Variants in PPP2R5C observed in about 807,000 individuals in gnomAD.
The protein encoded by PPP2R5C is protein phosphatase 2 regulatory subunit B'gamma.
PPP2R5C carries 7 observed loss-of-function variants against 68.9 expected under a neutral mutation model. The observed-to-expected ratio is 0.10, with a 90% CI of 0.06 to 0.19. The LOEUF is 0.19. Ranked by LOEUF, PPP2R5C falls within the 10% of genes least tolerant of loss-of-function variation. The pLI, the probability that PPP2R5C is intolerant of heterozygous loss-of-function variation, is 1.00. For synonymous variants in PPP2R5C, 210 were observed against 222.2 expected (o/e 0.95, Z 0.49); for missense variants, 348 against 641.3 (o/e 0.54, Z 4.94).
intron 13 of PPP2R5C, 59 bp from the exon 16 acceptor site, chr14:101,925,080 AGT>A: frequency 6.3e-7 from 1 of 1,589,944 alleles, no homozygotes; most frequent in Non-Finnish European, 8.6e-7. Context: ...CCACCTCAGA[AGT>A]AAGCTTGCTT....
At chr14:101,808,355 G>A (rs1476169592), upstream of PPP2R5C, among the ~76,000 whole-genome samples, 1 of 152,150 alleles carries the variant, frequency 6.6e-6, no homozygotes, top group East Asian at 1.9e-4. Context: ...CTGCTCAGGT[G>A]GTGCGTGCCC....
At position 101,886,988 on chromosome 14, in the gene PPP2R5C, G is replaced by A. The variant is rs561791969; in HGVS notation, c.630-3249G>A. Among the ~76,000 whole-genome samples, 4 of 152,292 alleles carry A rather than the reference G, an allele frequency of 2.6e-5. No individual in the cohort carries two copies. The South Asian group carries it at 8.3e-4, about 32-fold the overall frequency. On this transcript the variant is annotated intron_variant, in intron 5 of 13. Transcript: ENST00000334743. Reference sequence around the variant, plus strand: ...GGCCTCAAGTGATCCTCCTGCCTCAGCCTCCCAAAGCACTGGGATTACAGG... The same window carrying A: ...GGCCTCAAGTGATCCTCCTGCCTCAACCTCCCAAAGCACTGGGATTACAGG...
chr14:101,772,946 T>C (rs2037228017), intron 2 of PPP2R5C, among the ~76,000 whole-genome samples: 1 of 152,188 alleles, frequency 6.6e-6, no homozygotes, highest in African/African-American at 2.4e-5. Flanking sequence ...AGCTGTGCAA[T>C]GTGGCAGAGG....
In PPP2R5C at chr14:101,763,110, C is replaced by T. The variant is rs1007862508; in HGVS notation, c.93+140C>T. The T allele has an allele frequency of 4.5e-6, 3 of 663,554 alleles. No individual in the cohort carries two copies. The African/African-American group carries it at 5.5e-5, about 12-fold the overall frequency. 41.1% of individuals were successfully genotyped at this position (663,554 alleles called of 1,614,324 possible). Reference sequence around the variant, plus strand: ...TTTTTTTGTGGTGTCTTTTATAACCCTCAATTTTAGTTGTTTAGGTATTTA... The same window carrying T: ...TTTTTTTGTGGTGTCTTTTATAACCTTCAATTTTAGTTGTTTAGGTATTTA... On this transcript the variant is annotated intron_variant, in intron 2 of 14. Transcript: ENST00000328724.
At chr14:101,840,064 A>G (rs1051781805) in intron 1 of PPP2R5C, among the ~76,000 whole-genome samples, 2 of 152,222 alleles carry the variant, frequency 1.3e-5, no homozygotes, top group African/African-American at 4.8e-5. Flanking sequence ...AAGTTGTTTC[A>G]TGTAAAGACC....
rs72130973 is a variant in PPP2R5C, at chr14:101,917,574, TGGGC to T, written c.1327-252_1327-249del. Among the ~76,000 whole-genome samples, 20,387 of 151,854 alleles carry T rather than the reference TGGGC, an allele frequency of 0.13. 1,936 individuals carry two copies. The highest frequency in any genetic ancestry group is 0.28 in the East Asian group (1,458 of 5,138). On this transcript the variant is annotated intron_variant, in intron 12 of 13. Coordinates refer to ENST00000334743, the Ensembl canonical transcript of PPP2R5C. The surrounding 1 kb of genome is among the most constrained non-coding windows in gnomAD (Gnocchi z 4.4). ...AGGCCATGGGGTGTGGGCCAGGGTATGGGCGGGCCACTGTCCATCAGATGCAGAG... is the reference window on the plus strand; with the variant it reads ...AGGCCATGGGGTGTGGGCCAGGGTATGGGCCACTGTCCATCAGATGCAGAG...
At position 101,906,351 on chromosome 14, in the gene PPP2R5C, C is replaced by T. The variant is rs764840678; in HGVS notation, c.1024-51C>T. 1.3e-5 allele frequency: 20 copies of T among 1,531,002 alleles called. No homozygotes were observed. In the East Asian group the frequency reaches 4.6e-4, roughly 35 times the overall value. 94.8% of individuals were successfully genotyped at this position (1,531,002 alleles called of 1,614,324 possible). On this transcript the variant is annotated intron_variant, in intron 9 of 13. Transcript: ENST00000334743. This position sits in a 1 kb window ranked among gnomAD's most constrained non-coding sequence, Gnocchi z 4.0. ...ACAGGTTTAACAGCAAGGACAGCCA[C>T]CTGATGTCTCAGGCACAACCTCCAG... is the stretch of plus-strand genomic sequence containing the variant.
At chr14:101,775,516 C>T (rs2037372292) in intron 2 of PPP2R5C, among the ~76,000 whole-genome samples, 1 of 152,194 alleles carries the variant, frequency 6.6e-6, no homozygotes, top group Non-Finnish European at 1.5e-5. Flanking sequence ...TTCGGGCTTG[C>T]TGTGTCTCTG....
At position 101,917,856 on chromosome 14, in the gene PPP2R5C, C is replaced by T. The variant is rs1451132454; in HGVS notation, c.1352C>T (p.Thr451Ile). Residue 451 changes from threonine to isoleucine, a missense_variant, in exon 13 of 14, where the codon ACC becomes ATC. Physicochemically the swap from Thr to Ile is moderately conservative, Grantham distance 89 (BLOSUM62 -1). This residue lies in a region of PPP2R5C where 118 missense variants were observed against 108.9 expected (regional missense o/e 1.08). Transcript: ENST00000334743. This position sits in a 1 kb window ranked among gnomAD's most constrained non-coding sequence, Gnocchi z 4.4. Reference sequence around the variant, plus strand: ...TACACAGTGTATAGTCAAGCCAGCACCATGAGCATTCCGGTTGCAATGGAG... The same window carrying T: ...TACACAGTGTATAGTCAAGCCAGCATCATGAGCATTCCGGTTGCAATGGAG... 6.2e-7 allele frequency: 1 copy of T among 1,613,764 alleles called. No individual in the cohort carries two copies. The highest frequency in any genetic ancestry group is 8.5e-7 in the Non-Finnish European group (1 of 1,179,762).
chr14:101,785,991 C>A, intron 2 of PPP2R5C, 27 bp from the exon 3 acceptor site: 1 of 1,512,404 alleles, frequency 6.6e-7, no homozygotes, highest in South Asian at 1.3e-5. Context: ...TGTACATATT[C>A]ATTTGTTTTT....
intron 1 of PPP2R5C, chr14:101,810,041 G>C: frequency 6.2e-7 from 1 of 1,612,112 alleles, no homozygotes; most frequent in Non-Finnish European, 8.5e-7. Context: ...TTCGAGGTAA[G>C]TTATTGTGTG....
Position 101,909,576 on chromosome 14 carries a change from G to A in PPP2R5C, c.1152-13G>A, listed in dbSNP as rs756877730. On this transcript the variant is annotated splice_polypyrimidine_tract_variant and intron_variant, in intron 10 of 13. Transcript: ENST00000334743. The stretch of plus-strand genomic sequence containing the variant: ...TGCGTGCTCCCAGGCTCACCGTGCG[G>A]TTTTCTTTATAGGACAATACATGGC... 3 of 1,581,206 alleles carry A rather than the reference G, an allele frequency of 1.9e-6. No homozygotes were observed. The highest frequency in any genetic ancestry group is 3.4e-5 in the Admixed American group (2 of 59,680).
intron 2 of PPP2R5C, among the ~76,000 whole-genome samples, chr14:101,775,300 T>C (rs1043073033): frequency 1.3e-5 from 2 of 152,114 alleles, no homozygotes; most frequent in Non-Finnish European, 2.9e-5. Context: ...TTTCATTTGG[T>C]AAATCCCTTA....
At chr14:101,821,448 GGTGGGT>G (rs1484312292) in intron 1 of PPP2R5C, among the ~76,000 whole-genome samples, 10 of 58,882 alleles carry the variant, frequency 1.7e-4, no homozygotes, top group African/African-American at 4.1e-4. Context: ...GGGGTGGGTG[GGTGGGT>G]GTGTGTGTGT....
At chr14:101,761,267 G>A (rs1268543588), upstream of PPP2R5C, among the ~76,000 whole-genome samples, 1 of 152,224 alleles carries the variant, frequency 6.6e-6, no homozygotes, top group Non-Finnish European at 1.5e-5. Context: ...GGCTGCAGAA[G>A]TTGTTGCCAT....
rs4906149 is a variant in PPP2R5C at position 101,835,092 on chromosome 14, C to T, written c.95-21594C>T. On this transcript the variant is annotated intron_variant, in intron 1 of 13. Coordinates refer to ENST00000334743, the Ensembl canonical transcript of PPP2R5C. This position sits in a 1 kb window ranked among gnomAD's most constrained non-coding sequence, Gnocchi z 5.0. Reference sequence around the variant, plus strand: ...AAAATGCAGCCTGTGTCTTCAGGGACTGGGAGTCTCTGATTCCAGCACAGC... The same window carrying T: ...AAAATGCAGCCTGTGTCTTCAGGGATTGGGAGTCTCTGATTCCAGCACAGC... Among the ~76,000 whole-genome samples the T allele has an allele frequency of 0.062, 9,461 of 152,236 alleles. 378 individuals are homozygous for T. The highest frequency in any genetic ancestry group is 0.13 in the Middle Eastern group (37 of 294).
rs144068665 is a variant in PPP2R5C, at chr14:101,815,794, C to T, written c.94+5758C>T. 7.7e-3 allele frequency among the ~76,000 whole-genome samples: 1,169 copies of T among 152,208 alleles called. 8 individuals carry two copies. The highest frequency in any genetic ancestry group is 0.031 in the Middle Eastern group (9 of 294). The stretch of plus-strand genomic sequence containing the variant: ...AAGCGATTCTCCTGCGTCAGCCTCC[C>T]GAGTAGCTGGGATTACAGGTGCATG... On this transcript the variant is annotated intron_variant, in intron 1 of 13. Transcript: ENST00000334743.
chr14:101,841,686 C>T (rs184947409), intron 1 of PPP2R5C, among the ~76,000 whole-genome samples: 12 of 152,272 alleles, frequency 7.9e-5, no homozygotes, highest in Admixed American at 7.2e-4. Context: ...ACACAAAAGC[C>T]GTAGAGAGTA....
At chr14:101,771,222 CGTGTGTGTGTGTGTGTGTGTGTGTGT>C (rs3993402) in intron 2 of PPP2R5C, among the ~76,000 whole-genome samples, 113 of 135,396 alleles carry the variant, frequency 8.3e-4, no homozygotes, top group Non-Finnish European at 1.5e-3. Context: ...TTCTTCATCT[CGTGTGTGTGTGTGTGTGTGTGTGTGT>C]GTGTGTGTGT....
Sources: gnomAD v4.1 joint callset for allele counts (sites outside exome capture counted in the v4.1 genomes callset) on GRCh38, gnomAD v4.1.1 for gene constraint, gnomAD v4.1.1 regional missense constraint, Gnocchi (gnomAD v3.1) non-coding constraint, MANE v1.5 for transcripts, NCBI Gene and HGNC (gene_info 2026-07-23, HGNC 2026-07-21) for gene names.